SORCS1: variants seen among roughly 807,000 people sequenced by gnomAD.
SORCS1 encodes sortilin related VPS10 domain containing receptor 1.
Under a neutral mutation model 146.1 loss-of-function variants are expected in SORCS1, and 60 were observed. The ratio of observed to expected loss-of-function variants is 0.41; its 90% CI spans 0.33 to 0.51. The LOEUF is 0.51. Among genes scored for constraint, SORCS1 ranks in the 20% least tolerant of loss-of-function variants. SORCS1 has a pLI of 0.21. For synonymous variants in SORCS1, 637 were observed against 584.0 expected, an observed-to-expected ratio of 1.09 and a Z score of -1.31; for missense variants, 1,352 against 1,487.6, an observed-to-expected ratio of 0.91 and a Z score of 1.50.
At chr10:106,648,291 A>G (rs1291175575) in intron 18 of SORCS1, among the ~76,000 whole-genome samples, 1 of 152,244 alleles carries the variant, frequency 6.6e-6, no homozygotes, top group Admixed American at 6.5e-5. Context: ...TGATGATAAG[A>G]TTCTCTTACT....
intron 1 of SORCS1, among the ~76,000 whole-genome samples, chr10:106,985,493 C>CA (rs1956429834): frequency 6.7e-6 from 1 of 149,954 alleles, no homozygotes; most frequent in Non-Finnish European, 1.5e-5. Context: ...CAGCTATGTT[C>CA]AAGACAACAC....
chr10:106,691,119 A>T (rs1005511221), intron 9 of SORCS1, among the ~76,000 whole-genome samples: 6 of 152,268 alleles, frequency 3.9e-5, no homozygotes, highest in Admixed American at 1.3e-4. Flanking sequence ...ACTGAGGATG[A>T]GGGAGCATGT....
chr10:106,968,191 C>T (rs141580242), intron 1 of SORCS1, among the ~76,000 whole-genome samples: 5,106 of 151,680 alleles, frequency 0.034, 137 homozygotes, highest in Non-Finnish European at 0.052. Flanking sequence ...GCCTGGGCGA[C>T]AGCGAGACTT....
rs948551373 is a variant in SORCS1 at position 106,576,413 on chromosome 10, A to C, written c.*1007T>G. On this transcript the variant is annotated 3_prime_UTR_variant, in exon 26 of 26. Transcript: ENST00000263054. Reference sequence around the variant, plus strand: ...CTTACTTGGGGTTTGGAGGGAAGAGATTCAAAGATATCAACAGATCATGGT... The same window carrying C: ...CTTACTTGGGGTTTGGAGGGAAGAGCTTCAAAGATATCAACAGATCATGGT... The C allele has an allele frequency of 1.3e-5, 2 of 152,274 alleles. No individual in the cohort carries two copies. The highest frequency in any genetic ancestry group is 6.5e-5 in the Admixed American group (1 of 15,284). The allele number at this position is 152,274 out of a possible 1,614,324, so 9.4% of individuals were successfully genotyped here.
Position 106,575,055 on chromosome 10 carries a change from A to G in SORCS1, c.*2365T>C, listed in dbSNP as rs190709181. 27 of 152,794 alleles carry G rather than the reference A, an allele frequency of 1.8e-4. 4 individuals carry two copies. Among genetic ancestry groups the G allele is most frequent in the East Asian group, 1.5e-3 (8 of 5,182 alleles). 9.5% of individuals were successfully genotyped at this position (152,794 alleles called of 1,614,324 possible). On this transcript the variant is annotated 3_prime_UTR_variant, in exon 26 of 26. Coordinates refer to ENST00000263054, the MANE Select transcript of SORCS1 (RefSeq NM_052918.5). ...CCTCTTTCATACTTTTCTAATTAAA[A>G]TGAATTGAACTGCAACTCTGAGGAC...
At chr10:106,949,780 C>T (rs1205749280) in intron 2 of SORCS1, among the ~76,000 whole-genome samples, 1 of 152,102 alleles carries the variant, frequency 6.6e-6, no homozygotes, top group Non-Finnish European at 1.5e-5. Flanking sequence ...GAGAACAGGA[C>T]ACTGAATTTG....
chr10:106,865,816 T>A (rs2060138061), intron 2 of SORCS1, among the ~76,000 whole-genome samples: 1 of 151,450 alleles, frequency 6.6e-6, no homozygotes, highest in African/African-American at 2.4e-5. Context: ...GCAGATCACC[T>A]GAGGTCAGGA....
chr10:106,801,133 TA>T (rs1019129068), intron 3 of SORCS1, among the ~76,000 whole-genome samples: 4 of 152,230 alleles, frequency 2.6e-5, no homozygotes, highest in African/African-American at 9.6e-5. Context: ...TTCTTAATTT[TA>T]TAATATGTAT....
intron 1 of SORCS1, among the ~76,000 whole-genome samples, chr10:107,149,453 A>G (rs1236973019): frequency 2.0e-5 from 3 of 152,220 alleles, no homozygotes; most frequent in African/African-American, 7.2e-5. Flanking sequence ...TACTGATTTG[A>G]GAAGCATGTC....
intron 3 of SORCS1, among the ~76,000 whole-genome samples, chr10:106,787,110 T>C (rs2136472107): frequency 6.6e-6 from 1 of 152,316 alleles, no homozygotes; most frequent in Non-Finnish European, 1.5e-5. Context: ...AGCAACTCTC[T>C]AATAAAAGAA....
At chr10:106,898,439 C>T (rs1178542027) in intron 2 of SORCS1, among the ~76,000 whole-genome samples, 1 of 152,192 alleles carries the variant, frequency 6.6e-6, no homozygotes, top group Non-Finnish European at 1.5e-5. Flanking sequence ...ACCAGTTAAC[C>T]ACCTGTGTCA....
intron 23 of SORCS1, among the ~76,000 whole-genome samples, chr10:106,606,524 A>G (rs1589455766): frequency 6.6e-6 from 1 of 152,318 alleles, no homozygotes; most frequent in Admixed American, 6.5e-5. Context: ...CAAGTATGAT[A>G]TTGTTCAGCA....
At chr10:106,687,021 C>G (rs1852902856) in intron 10 of SORCS1, among the ~76,000 whole-genome samples, 1 of 152,210 alleles carries the variant, frequency 6.6e-6, no homozygotes, top group African/African-American at 2.4e-5. Flanking sequence ...TCTAGGCTTA[C>G]ACAATCAGCT....
intron 10 of SORCS1, among the ~76,000 whole-genome samples, chr10:106,686,120 G>A (rs375827144): frequency 6.6e-6 from 1 of 152,078 alleles, no homozygotes; most frequent in Middle Eastern, 3.2e-3. Context: ...TAAAAAAAAT[G>A]GTCCCATTGG....
At chr10:106,747,849 C>T (rs1313866830) in intron 5 of SORCS1, among the ~76,000 whole-genome samples, 2 of 150,710 alleles carry the variant, frequency 1.3e-5, no homozygotes, top group Non-Finnish European at 2.9e-5. Flanking sequence ...GATGGATATG[C>T]TAATTACTCT....
chr10:106,929,972 C>T (rs1208003813), intron 2 of SORCS1, among the ~76,000 whole-genome samples: 2 of 152,172 alleles, frequency 1.3e-5, no homozygotes, highest in East Asian at 1.9e-4. Context: ...GATGGCCGGG[C>T]GCAGTGGCGC....
At chr10:106,706,328 A>G (rs1854525834) in intron 8 of SORCS1, among the ~76,000 whole-genome samples, 1 of 151,330 alleles carries the variant, frequency 6.6e-6, no homozygotes, top group Non-Finnish European at 1.5e-5. Context: ...AGAAAGGAAG[A>G]GAGAGAGAGA....
At chr10:107,009,876 G>A (rs1296317770) in intron 1 of SORCS1, among the ~76,000 whole-genome samples, 3 of 152,124 alleles carry the variant, frequency 2.0e-5, no homozygotes, top group Non-Finnish European at 4.4e-5. Context: ...CGTAATATAA[G>A]TAATGAAGTA....
intron 1 of SORCS1, among the ~76,000 whole-genome samples, chr10:107,088,684 G>C (rs1229971535): frequency 1.3e-5 from 2 of 152,152 alleles, no homozygotes; most frequent in African/African-American, 4.8e-5. Context: ...AAGAGATATG[G>C]ACAATTGAAC....
Sources: gnomAD v4.1 joint callset for allele counts (sites outside exome capture counted in the v4.1 genomes callset) on GRCh38, gnomAD v4.1.1 for gene constraint, MANE v1.5 for transcripts, NCBI Gene and HGNC (gene_info 2026-07-23, HGNC 2026-07-21) for gene names.